ADGRE3: variants seen among roughly 807,000 people sequenced by gnomAD.
ADGRE3 encodes adhesion G protein-coupled receptor E3.
Under a neutral mutation model 80.1 loss-of-function variants are expected in ADGRE3, and 88 were observed. That is an observed-to-expected ratio of 1.10 (90% CI 0.93 to 1.31). ADGRE3 has a LOEUF of 1.31. Ranked by LOEUF, ADGRE3 falls within the 40% of genes most tolerant of loss-of-function variation. The pLI is 0.00. For synonymous variants in ADGRE3, 281 were observed against 294.8 expected, an observed-to-expected ratio of 0.95 and a Z score of 0.48; for missense variants, 715 against 776.5, an observed-to-expected ratio of 0.92 and a Z score of 0.94.
intron 10 of ADGRE3, among the ~76,000 whole-genome samples, chr19:14,638,683 A>G (rs1971168023): frequency 6.6e-6 from 1 of 152,056 alleles, no homozygotes; most frequent in African/African-American, 2.4e-5. Flanking sequence ...AGGGTAGCAG[A>G]ATGTGCCACC....
At position 14,670,843 on chromosome 19, in the gene ADGRE3, G is replaced by A. The variant is rs186010896; in HGVS notation, c.26-1991C>T. ...TAAACACGGGTTCTGGGTTCTAGCT[G>A]ATAACCCATTACACCACATAGCCTC... On this transcript the variant is annotated intron_variant, in intron 1 of 15. Transcript: ENST00000253673. 6.1e-4 allele frequency among the ~76,000 whole-genome samples: 93 copies of A among 152,328 alleles called. 1 individual carries two copies. The highest frequency in any genetic ancestry group is 2.2e-3 in the African/African-American group (91 of 41,568).
At position 14,619,194 on chromosome 19, in the gene ADGRE3, A is replaced by T; in HGVS notation, c.*239T>A. On this transcript the variant is annotated 3_prime_UTR_variant, in exon 16 of 16. Transcript: ENST00000253673. ...AGTCAAGGAAATATTTGCAGTGGTC[A>T]TGCTTTGGGTTTCCAGGGACAAGCA... 1 of 500,020 alleles carries T rather than the reference A, an allele frequency of 2.0e-6. No homozygotes were observed. The allele number at this position is 500,020 out of a possible 1,614,324, so 31.0% of individuals were successfully genotyped here. A position where few individuals can be genotyped will look rare whatever the true frequency, so the allele number is the denominator to read the frequency against.
intron 13 of ADGRE3, among the ~76,000 whole-genome samples, chr19:14,631,612 G>T (rs142233463): frequency 1.4e-3 from 215 of 151,220 alleles, no homozygotes; most frequent in African/African-American, 5.0e-3. Context: ...TATATGTATA[G>T]AATATATTAT....
intron 1 of ADGRE3, among the ~76,000 whole-genome samples, chr19:14,671,149 ATC>A (rs748413380): frequency 5.3e-5 from 8 of 152,132 alleles, no homozygotes; most frequent in Non-Finnish European, 1.0e-4. Flanking sequence ...ATCCTTCTGG[ATC>A]TCTCTCTTGA....
intron 2 of ADGRE3, among the ~76,000 whole-genome samples, chr19:14,665,936 GTATA>G (rs71309616): frequency 0.011 from 448 of 42,088 alleles, 56 homozygotes; most frequent in African/African-American, 0.023. Flanking sequence ...ACACATATGT[GTATA>G]TATATATATA....
intron 7 of ADGRE3, among the ~76,000 whole-genome samples, chr19:14,647,584 T>G (rs540000630): frequency 1.3e-3 from 203 of 151,486 alleles, no homozygotes; most frequent in African/African-American, 4.6e-3. Flanking sequence ...GCCTGGCTAA[T>G]TTTTTGTCTT....
Position 14,620,471 on chromosome 19 carries a change from T to TGTATA in ADGRE3, c.1921-1001_1921-1000insTATAC, listed in dbSNP as rs1455799921. 6.6e-5 allele frequency among the ~76,000 whole-genome samples: 8 copies of TGTATA among 121,146 alleles called. 1 individual carries two copies. The highest frequency in any genetic ancestry group is 4.5e-4 in the East Asian group (2 of 4,448). 79.5% of individuals were successfully genotyped at this position (121,146 alleles called of 152,430 possible). On this transcript the variant is annotated intron_variant, in intron 15 of 15. Transcript: ENST00000253673. ...ATGTATATATGAATATATGAATATATTATGAGTACATATGAATATATATGA... is the reference window on the plus strand; with the variant it reads ...ATGTATATATGAATATATGAATATATGTATATATGAGTACATATGAATATATATGA...
Position 14,619,430 on chromosome 19 carries a change from G to A in ADGRE3, c.*3C>T, listed in dbSNP as rs1445041496. On this transcript the variant is annotated 3_prime_UTR_variant, in exon 16 of 16. Transcript: ENST00000253673. ...TTTCCATATGGAGTTGAATATTCTA[G>A]TTTTAATATTTTCTCTTCACTTGTC... is the stretch of plus-strand genomic sequence containing the variant. 1.3e-6 allele frequency: 2 copies of A among 1,572,186 alleles called. No homozygotes were observed. The highest frequency in any genetic ancestry group is 1.7e-5 in the Admixed American group (1 of 59,830).
intron 4 of ADGRE3, among the ~76,000 whole-genome samples, chr19:14,658,806 C>A (rs1426370618): frequency 6.6e-6 from 1 of 152,026 alleles, no homozygotes; most frequent in Non-Finnish European, 1.5e-5. Context: ...GCGACCTAGG[C>A]TCACTGCAAC....
chr19:14,666,120 T>C (rs1019372445), intron 2 of ADGRE3, among the ~76,000 whole-genome samples: 1 of 151,272 alleles, frequency 6.6e-6, no homozygotes, highest in Non-Finnish European at 1.5e-5. Flanking sequence ...AGATACCCAG[T>C]AGTGGGATTC....
At chr19:14,602,216 A>T in the ADGRE3 span, among the ~76,000 whole-genome samples, 5 of 151,112 alleles carry the variant, frequency 3.3e-5, no homozygotes, top group African/African-American at 1.2e-4. Flanking sequence ...TTTTTCCCAG[A>T]CAGTATATAG....
intron 11 of ADGRE3, among the ~76,000 whole-genome samples, chr19:14,634,859 C>T (rs1970993190): frequency 1.3e-5 from 2 of 151,880 alleles, no homozygotes; most frequent in Admixed American, 6.6e-5. Flanking sequence ...CTAAATTCCT[C>T]GGCTACAAGA....
At chr19:14,618,791 G>A (rs1337090638), downstream of ADGRE3, among the ~76,000 whole-genome samples, 1 of 135,342 alleles carries the variant, frequency 7.4e-6, no homozygotes, top group Non-Finnish European at 1.5e-5. Flanking sequence ...GGGAGGCAGA[G>A]GTTGCACTCA....
At chr19:14,655,985 G>T (rs573449432) in intron 5 of ADGRE3, among the ~76,000 whole-genome samples, 11 of 151,954 alleles carry the variant, frequency 7.2e-5, no homozygotes, top group African/African-American at 2.4e-4. Context: ...GTCATCTTGC[G>T]CCAAGATGAA....
chr19:14,612,229 C>T, the ADGRE3 span, among the ~76,000 whole-genome samples: 1 of 152,110 alleles, frequency 6.6e-6, no homozygotes, highest in South Asian at 2.1e-4. Flanking sequence ...AAGGTGTTGG[C>T]AGGGTTAATT....
At position 14,619,359 on chromosome 19, in the gene ADGRE3, C is replaced by T. The variant is rs940166598; in HGVS notation, c.*74G>A. ...TGATATGTTTAATGAATTCCCTTTT[C>T]CTTAGCTTCATTCTTCATAATGCCA... On this transcript the variant is annotated 3_prime_UTR_variant, in exon 16 of 16. Coordinates refer to ENST00000253673, the MANE Select transcript of ADGRE3 (RefSeq NM_032571.5). The T allele has an allele frequency of 4.6e-5, 51 of 1,115,290 alleles. No individual in the cohort carries two copies. Among genetic ancestry groups the T allele is most frequent in the South Asian group, 3.6e-4 (29 of 79,836 alleles). 69.1% of individuals were successfully genotyped at this position (1,115,290 alleles called of 1,614,324 possible). A position where few individuals can be genotyped will look rare whatever the true frequency, so the allele number is the denominator to read the frequency against.
At chr19:14,606,573 G>A in the ADGRE3 span, among the ~76,000 whole-genome samples, 2 of 151,646 alleles carry the variant, frequency 1.3e-5, no homozygotes, top group African/African-American at 4.8e-5. Context: ...CCAGCTACTC[G>A]GGAGGTTGAG....
chr19:14,614,257 C>A (rs2075063289), downstream of ADGRE3, among the ~76,000 whole-genome samples: 1 of 152,128 alleles, frequency 6.6e-6, no homozygotes, highest in South Asian at 2.1e-4. Flanking sequence ...GGGAAGTTCC[C>A]ACATTTCAGA....
chr19:14,669,419 T>C (rs991364121), intron 1 of ADGRE3, among the ~76,000 whole-genome samples: 4 of 152,198 alleles, frequency 2.6e-5, no homozygotes, highest in African/African-American at 9.6e-5. Context: ...GCAATAGCCA[T>C]GACTTGGCTA....
Sources: allele counts gnomAD v4.1 joint callset (sites outside exome capture counted in the v4.1 genomes callset), GRCh38; gene constraint gnomAD v4.1.1; transcripts MANE v1.5; gene names NCBI Gene and HGNC (gene_info 2026-07-23, HGNC 2026-07-21).